Variants in TMEM132B observed in about 807,000 individuals in gnomAD.
TMEM132B encodes transmembrane protein 132B.
A neutral mutation model predicts 90.8 loss-of-function variants in TMEM132B; 18 were observed. The ratio of observed to expected loss-of-function variants is 0.20; its 90% CI spans 0.14 to 0.29. The LOEUF (loss-of-function observed/expected upper bound fraction) is 0.29, where lower values mean the gene tolerates loss of function less well. Ranked by LOEUF, TMEM132B falls within the 10% of genes least tolerant of loss-of-function variation. The pLI is 1.00. For synonymous variants in TMEM132B, 504 were observed against 523.3 expected, an observed-to-expected ratio of 0.96 and a Z score of 0.50; for missense variants, 1,096 against 1,326.8, an observed-to-expected ratio of 0.83 and a Z score of 2.70.
intron 2 of TMEM132B, among the ~76,000 whole-genome samples, chr12:125,411,588 G>C (rs1057369407): frequency 6.6e-5 from 10 of 152,120 alleles, no homozygotes; most frequent in Admixed American, 1.3e-4. Context: ...ACGTGTGAGG[G>C]GTTCCCTGCC....
At chr12:125,336,254 T>G (rs957330206) in intron 1 of TMEM132B, among the ~76,000 whole-genome samples, 6 of 152,244 alleles carry the variant, frequency 3.9e-5, no homozygotes, top group South Asian at 2.1e-4. Context: ...CATGTGGCTT[T>G]CTGAGGTTGC....
intron 4 of TMEM132B, among the ~76,000 whole-genome samples, chr12:125,527,441 T>TTCCATCCACCCATCC (rs1883514330): frequency 5.3e-5 from 2 of 37,736 alleles, no homozygotes; most frequent in African/African-American, 2.3e-4. Context: ...TCCACCTATT[T>TTCCATCCACCCATCC]ACCCTTCCAT....
At position 125,350,253 on chromosome 12, in the gene TMEM132B, C is replaced by T. The variant is rs138362432; in HGVS notation, c.869C>T (p.Ser290Leu). 19 of 1,613,964 alleles carry T rather than the reference C, an allele frequency of 1.2e-5. No homozygotes were observed. The highest frequency in any genetic ancestry group is 1.4e-5 in the Non-Finnish European group (16 of 1,180,022). The change falls in exon 2 of 9, where the codon TCG (serine) becomes TTG (leucine). Residue 290 changes from serine (S) to leucine (L), a missense_variant. Physicochemically the swap from Ser to Leu is moderately radical, Grantham distance 145. Coordinates refer to ENST00000682704, the MANE Select transcript of TMEM132B (RefSeq NM_001366854.1). ...LVSLDENVVISVPLNLVREGD... is the reference protein window; with the variant it reads ...LVSLDENVVILVPLNLVREGD... ...AGCTTGGACGAGAATGTGGTCATCT[C>T]GGTACCTCTGAATCTAGTCCGGGAA...
chr12:125,528,569 G>A lies in TMEM132B; in HGVS notation c.1293+8944G>A, dbSNP rs77729681. Among the ~76,000 whole-genome samples the A allele has an allele frequency of 4.6e-5, 7 of 152,308 alleles. No homozygotes were observed. In the East Asian group the frequency reaches 1.2e-3, roughly 25 times the overall value. On this transcript the variant is annotated intron_variant, in intron 4 of 8. Coordinates refer to ENST00000682704, the MANE Select transcript of TMEM132B (RefSeq NM_001366854.1). ...GTTCTGGTGAATGGCGATGAATTAG[G>A]CAGACAAGGCCTCAACTCTCATGCT...
In TMEM132B at chr12:125,653,620, A is replaced by C. The variant is rs759478360; in HGVS notation, c.2162A>C (p.Asp721Ala). The C allele has an allele frequency of 6.2e-7, 1 of 1,614,154 alleles. No individual in the cohort carries two copies. The highest frequency in any genetic ancestry group is 8.5e-7 in the Non-Finnish European group (1 of 1,179,990). Residue 721 changes from aspartate to alanine, a missense_variant, in exon 9 of 9, where the codon GAC becomes GCC. By Grantham distance (126) the Asp-to-Ala change is moderately radical. Coordinates refer to ENST00000682704, the MANE Select transcript of TMEM132B (RefSeq NM_001366854.1). Reference sequence around the variant, plus strand: ...AGTGATGGTTCGGTGACACCTTTAGACATTTACGATCCTAAGGATTATTCT... The same window carrying C: ...AGTGATGGTTCGGTGACACCTTTAGCCATTTACGATCCTAAGGATTATTCT... ...LFSDGSVTPL[D>A]IYDPKDYSVT...
chr12:125,575,078 A>ATATATATATATATATATATATATATATAT (rs1311570495), intron 4 of TMEM132B, among the ~76,000 whole-genome samples: 2 of 108,966 alleles, frequency 1.8e-5, no homozygotes, highest in African/African-American at 6.7e-5. Flanking sequence ...ATATATATAT[A>ATATATATATATATATATATATATATATAT]TATATTCAGG....
intron 5 of TMEM132B, among the ~76,000 whole-genome samples, chr12:125,595,593 C>T (rs572999448): frequency 6.6e-6 from 1 of 152,266 alleles, no homozygotes; most frequent in South Asian, 2.1e-4. Context: ...GCAAAAATCG[C>T]AATTACGTTT....
intron 1 of TMEM132B, among the ~76,000 whole-genome samples, chr12:125,229,792 G>C (rs1443131336): frequency 6.6e-6 from 1 of 152,240 alleles, no homozygotes; most frequent in Non-Finnish European, 1.5e-5. Flanking sequence ...ATATCAGGAT[G>C]GCTGCTGATG....
chr12:125,264,570 G>A (rs1466097520), intron 1 of TMEM132B, among the ~76,000 whole-genome samples: 1 of 152,200 alleles, frequency 6.6e-6, no homozygotes, highest in African/African-American at 2.4e-5. Flanking sequence ...TTGGGTGGGA[G>A]GAACATTACC....
At position 125,339,726 on chromosome 12, in the gene TMEM132B, G is replaced by A. The variant is rs556663274; in HGVS notation, c.68-9726G>A. On this transcript the variant is annotated intron_variant, in intron 1 of 8. Transcript: ENST00000682704. ...CCACTGTGTAGCCAGGAGGAGCAAA[G>A]TTACACGCTGAGAACGCAGTGCAAG... is the stretch of plus-strand genomic sequence containing the variant. Among the ~76,000 whole-genome samples, 5 of 152,320 alleles carry A rather than the reference G, an allele frequency of 3.3e-5. No homozygotes were observed. The South Asian group carries it at 8.3e-4, about 25-fold the overall frequency.
intron 1 of TMEM132B, among the ~76,000 whole-genome samples, chr12:125,204,264 C>A (rs1330726047): frequency 6.9e-6 from 1 of 144,562 alleles, no homozygotes; most frequent in Non-Finnish European, 1.5e-5. Flanking sequence ...CTGTGCTTAG[C>A]TCTTTATGTG....
intron 1 of TMEM132B, among the ~76,000 whole-genome samples, chr12:125,216,400 G>T (rs1873437759): frequency 6.6e-6 from 1 of 152,130 alleles, no homozygotes. Flanking sequence ...CTCCATTAAG[G>T]CCTGACCTTC....
intron 2 of TMEM132B, among the ~76,000 whole-genome samples, chr12:125,410,442 TGAGTG>T (rs369430393): frequency 4.9e-4 from 3 of 6,182 alleles, no homozygotes; most frequent in South Asian, 6.8e-3. Flanking sequence ...AGGAGTGGAG[TGAGTG>T]GAGTGGAGTG....
At position 125,509,232 on chromosome 12, in the gene TMEM132B, CTG is replaced by C. The variant is rs375522660; in HGVS notation, c.1107-10204_1107-10203del. ...ACATTCAGTCTTTCTCCAGCATGAA[CTG>C]TGGTATCAGAGGTGTGGTGGGTCCT... On this transcript the variant is annotated intron_variant, in intron 3 of 8. Coordinates refer to ENST00000682704, the MANE Select transcript of TMEM132B (RefSeq NM_001366854.1). Among the ~76,000 whole-genome samples, 27 of 152,286 alleles carry C rather than the reference CTG, an allele frequency of 1.8e-4. No individual in the cohort carries two copies. In the East Asian group the frequency reaches 3.5e-3, roughly 20 times the overall value.
intron 3 of TMEM132B, among the ~76,000 whole-genome samples, chr12:125,481,986 A>G (rs1882056210): frequency 2.0e-5 from 3 of 152,252 alleles, no homozygotes; most frequent in Admixed American, 2.0e-4. Context: ...AAACCTGACA[A>G]AAACAAGCAA....
chr12:125,377,172 T>C (rs1256804312), intron 2 of TMEM132B, among the ~76,000 whole-genome samples: 1 of 152,154 alleles, frequency 6.6e-6, no homozygotes, highest in Non-Finnish European at 1.5e-5. Flanking sequence ...AGGTGGGTAG[T>C]GGGGAACATG....
intron 4 of TMEM132B, among the ~76,000 whole-genome samples, chr12:125,568,450 G>C (rs756161269): frequency 6.6e-6 from 1 of 152,154 alleles, no homozygotes; most frequent in Non-Finnish European, 1.5e-5. Context: ...CCCAGAGCCA[G>C]AGGTTTTCCC....
intron 3 of TMEM132B, among the ~76,000 whole-genome samples, chr12:125,477,713 GTCTGACAGC>G (rs1881925074): frequency 6.6e-6 from 1 of 152,158 alleles, no homozygotes; most frequent in Non-Finnish European, 1.5e-5. Context: ...AAAAGTCCCT[GTCTGACAGC>G]TCTGAAGAGA....
chr12:125,376,633 T>G (rs1878497402), intron 2 of TMEM132B, among the ~76,000 whole-genome samples: 1 of 152,152 alleles, frequency 6.6e-6, no homozygotes. Context: ...TGGAGGGATA[T>G]GAGTCTAGAG....
Sources: allele counts gnomAD v4.1 joint callset (sites outside exome capture counted in the v4.1 genomes callset), GRCh38; gene constraint gnomAD v4.1.1; transcripts MANE v1.5; gene names NCBI Gene and HGNC (gene_info 2026-07-23, HGNC 2026-07-21).